Variants in STAT5B observed in about 807,000 individuals in gnomAD.
The protein encoded by STAT5B is signal transducer and activator of transcription 5B.
Under a neutral mutation model 107.8 loss-of-function variants are expected in STAT5B, and 21 were observed. The observed-to-expected ratio is 0.19, with a 90% CI of 0.14 to 0.28. The LOEUF (loss-of-function observed/expected upper bound fraction) is 0.28, where lower values mean the gene tolerates loss of function less well. STAT5B is among the 10% of genes least tolerant of loss of function. The pLI, the probability that STAT5B is intolerant of heterozygous loss-of-function variation, is 1.00. For synonymous variants in STAT5B, 325 were observed against 401.7 expected (o/e 0.81, Z 2.28); for missense variants, 565 against 1,008.2 (o/e 0.56, Z 5.95).
intron 5 of STAT5B, among the ~76,000 whole-genome samples, chr17:42,220,613 A>G (rs917240994): frequency 9.2e-5 from 14 of 152,146 alleles, no homozygotes; most frequent in Admixed American, 3.3e-4. Context: ...CCAACCAGGG[A>G]ACACGGACAG....
chr17:42,208,713 A>G lies in STAT5B; in HGVS notation c.1907-985T>C, dbSNP rs151153742. On this transcript the variant is annotated intron_variant, in intron 15 of 18. Transcript: ENST00000293328. ...AAGCATGCCCACAACCAGAGAAAGC[A>G]TAAGAGCTATTAAAAGTGATGAATT... 3.4e-3 allele frequency among the ~76,000 whole-genome samples: 524 copies of G among 152,056 alleles called. 5 individuals are homozygous for G. Among genetic ancestry groups the G allele is most frequent in the South Asian group, 0.032 (152 of 4,818 alleles).
At chr17:42,279,572 G>A (rs1410684467), upstream of STAT5B, among the ~76,000 whole-genome samples, 5 of 152,140 alleles carry the variant, frequency 3.3e-5, no homozygotes, top group East Asian at 3.9e-4. Context: ...TGGATCACCC[G>A]AGATCGGGAG....
In STAT5B at chr17:42,202,315, G is replaced by C. The variant is rs747200583; in HGVS notation, c.2237+25C>G. The C allele has an allele frequency of 3.7e-6, 6 of 1,613,596 alleles. No homozygotes were observed. The African/African-American group carries it at 8.0e-5, about 22-fold the overall frequency. On this transcript the variant is annotated intron_variant, in intron 18 of 18. Coordinates refer to ENST00000293328, the MANE Select transcript of STAT5B (RefSeq NM_012448.4). ...GCCAAGCCCCCAGTTCCTCCCCTGT[G>C]GACCCCCACAAGAATGCCACCTACT...
chr17:42,277,958 A>C (rs755835777), upstream of STAT5B, among the ~76,000 whole-genome samples: 9 of 151,784 alleles, frequency 5.9e-5, no homozygotes, highest in Non-Finnish European at 1.3e-4. Context: ...GGGTTTCACC[A>C]TGTTGGCCAG....
chr17:42,207,483 G>C, intron 16 of STAT5B, 75 bp downstream of exon 16: 2 of 1,435,826 alleles, frequency 1.4e-6, no homozygotes, highest in South Asian at 1.2e-5. Context: ...ACACACGCAG[G>C]TATGCACACA....
At position 42,256,861 on chromosome 17, in the gene STAT5B, C is replaced by CAAAAAAA. The variant is rs781345676; in HGVS notation, c.-11+19380_-11+19386dup. On this transcript the variant is annotated intron_variant, in intron 1 of 18. Transcript: ENST00000293328. Reference sequence around the variant, plus strand: ...TGGGTGACAGAGCGAGACTCTGTCTCAAAAAAAAAAAAAAAAAAAAAAAAA... The same window carrying CAAAAAAA: ...TGGGTGACAGAGCGAGACTCTGTCTCAAAAAAAAAAAAAAAAAAAAAAAAAAAAAAAA... 4.0e-3 allele frequency among the ~76,000 whole-genome samples: 181 copies of CAAAAAAA among 44,806 alleles called. 29 individuals are homozygous for CAAAAAAA. The highest frequency in any genetic ancestry group is 0.017 in the African/African-American group (176 of 10,632). The allele number at this position is 44,806 out of a possible 152,430, so 29.4% of individuals were successfully genotyped here.
rs781345676 is a variant in STAT5B, at chr17:42,256,861, C to CAAAAAAAAAAAA, written c.-11+19375_-11+19386dup. On this transcript the variant is annotated intron_variant, in intron 1 of 18. Transcript: ENST00000293328. ...TGGGTGACAGAGCGAGACTCTGTCT[C>CAAAAAAAAAAAA]AAAAAAAAAAAAAAAAAAAAAAAAA... Among the ~76,000 whole-genome samples the CAAAAAAAAAAAA allele has an allele frequency of 8.9e-5, 4 of 44,812 alleles. 1 individual carries two copies. The highest frequency in any genetic ancestry group is 3.8e-4 in the African/African-American group (4 of 10,638). 29.4% of individuals were successfully genotyped at this position (44,812 alleles called of 152,430 possible). A position where few individuals can be genotyped will look rare whatever the true frequency, so the allele number is the denominator to read the frequency against.
chr17:42,250,007 C>G (rs142091272), intron 1 of STAT5B, among the ~76,000 whole-genome samples: 1 of 152,218 alleles, frequency 6.6e-6, no homozygotes, highest in African/African-American at 2.4e-5. Context: ...TGAAAGCCTA[C>G]GCATTCAATC....
chr17:42,243,188 TA>T (rs11327266), intron 1 of STAT5B, among the ~76,000 whole-genome samples: 89,349 of 149,810 alleles, frequency 0.6, 29,461 homozygotes, highest in African/African-American at 0.9. Context: ...AAAAAATAAA[TA>T]AAAAAAAAAT....
the STAT5B span, among the ~76,000 whole-genome samples, chr17:42,287,347 A>C: frequency 6.7e-6 from 1 of 148,932 alleles, no homozygotes. Context: ...CCAACAGAAC[A>C]TGCAGTCTTG....
chr17:42,230,395 C>G (rs1016196844), intron 2 of STAT5B, among the ~76,000 whole-genome samples: 1 of 152,106 alleles, frequency 6.6e-6, no homozygotes, highest in African/African-American at 2.4e-5. Flanking sequence ...TATGTCAGAT[C>G]GACTGACAGA....
chr17:42,211,013 C>T (rs562591112), intron 13 of STAT5B, among the ~76,000 whole-genome samples: 1 of 151,720 alleles, frequency 6.6e-6, no homozygotes, highest in South Asian at 2.1e-4. Context: ...CCATCCTGGC[C>T]AACATGGTGA....
At chr17:42,230,755 A>T (rs1394520868) in intron 2 of STAT5B, among the ~76,000 whole-genome samples, 2 of 151,674 alleles carry the variant, frequency 1.3e-5, no homozygotes, top group Non-Finnish European at 2.9e-5. Flanking sequence ...CTGCCTCCCG[A>T]CTTCAAGCGA....
chr17:42,263,683 G>C (rs1376431192), intron 1 of STAT5B, among the ~76,000 whole-genome samples: 1 of 151,880 alleles, frequency 6.6e-6, no homozygotes, highest in African/African-American at 2.4e-5. Context: ...TGTGCCACCA[G>C]GCCCAGCTAA....
chr17:42,240,551 T>C (rs997371226), intron 1 of STAT5B, among the ~76,000 whole-genome samples: 6 of 152,166 alleles, frequency 3.9e-5, no homozygotes, highest in African/African-American at 1.4e-4. Flanking sequence ...ATGAAAATGT[T>C]CCGGAATTAG....
At position 42,201,708 on chromosome 17, in the gene STAT5B, G is replaced by T; in HGVS notation, c.*30C>A. The T allele has an allele frequency of 7.5e-7, 1 of 1,337,716 alleles. No individual in the cohort carries two copies. The highest frequency in any genetic ancestry group is 1.1e-6 in the Non-Finnish European group (1 of 927,174). 82.9% of individuals were successfully genotyped at this position (1,337,716 alleles called of 1,614,324 possible). A position where few individuals can be genotyped will look rare whatever the true frequency, so the allele number is the denominator to read the frequency against. The stretch of plus-strand genomic sequence containing the variant: ...CAAGAGTGATTCCTCTGGTGAAGAT[G>T]AAGAAGCTGAAGATGGAGAGGTCGC... On this transcript the variant is annotated 3_prime_UTR_variant, in exon 19 of 19. Coordinates refer to ENST00000293328, the MANE Select transcript of STAT5B (RefSeq NM_012448.4).
intron 1 of STAT5B, among the ~76,000 whole-genome samples, chr17:42,236,513 C>T (rs1454646341): frequency 1.3e-5 from 2 of 152,194 alleles, no homozygotes; most frequent in Non-Finnish European, 2.9e-5. Context: ...ATGATCTCGG[C>T]TCACTGCAGC....
chr17:42,287,542 G>A, the STAT5B span: 2 of 152,512 alleles, frequency 1.3e-5, no homozygotes, highest in African/African-American at 4.8e-5. Flanking sequence ...GGGGACTGAG[G>A]CTCTAGACAG....
chr17:42,202,112 T>C, intron 18 of STAT5B: 1 of 645,448 alleles, frequency 1.5e-6, no homozygotes, highest in Non-Finnish European at 2.7e-6. Context: ...GCAAGAAAAA[T>C]CTCCATATTG....
Sources: gnomAD v4.1 joint callset for allele counts (sites outside exome capture counted in the v4.1 genomes callset) on GRCh38, gnomAD v4.1.1 for gene constraint, MANE v1.5 for transcripts, NCBI Gene and HGNC (gene_info 2026-07-23, HGNC 2026-07-21) for gene names.